Variants in TRAPPC9 observed in about 807,000 individuals in gnomAD.
TRAPPC9 encodes the protein trafficking protein particle complex subunit 9, also known as IKK2 binding protein.
In TRAPPC9, 83 loss-of-function variants were observed where a neutral mutation model predicts 124.0. The observed-to-expected ratio is 0.67, with a 90% CI of 0.56 to 0.80. The LOEUF is 0.80. Ranked by LOEUF, TRAPPC9 falls within the 30% of genes least tolerant of loss-of-function variation. The pLI is 0.00. For missense variants in TRAPPC9, 1,302 were observed against 1,508.3 expected (o/e 0.86, Z 2.27); for synonymous variants, 638 against 617.5 (o/e 1.03, Z -0.49).
At chr8:140,319,172 CTTTTTT>C (rs35283714) in intron 9 of TRAPPC9, among the ~76,000 whole-genome samples, 14 of 118,528 alleles carry the variant, frequency 1.2e-4, no homozygotes, top group East Asian at 5.5e-4. Context: ...TTATTTTGAA[CTTTTTT>C]TTTTTTTTTT....
At chr8:140,179,236 T>C (rs1378777536) in intron 17 of TRAPPC9, among the ~76,000 whole-genome samples, 3 of 152,150 alleles carry the variant, frequency 2.0e-5, no homozygotes, top group South Asian at 2.1e-4. Flanking sequence ...ATTGAGGCAA[T>C]GCTTTAGTTG....
At chr8:139,967,513 A>G (rs1835779830) in intron 19 of TRAPPC9, among the ~76,000 whole-genome samples, 1 of 152,228 alleles carries the variant, frequency 6.6e-6, no homozygotes, top group African/African-American at 2.4e-5. Flanking sequence ...TGATGAAGAC[A>G]GGATTCCTGC....
In TRAPPC9 at chr8:140,241,062, C is replaced by A. The variant is rs1007982073; in HGVS notation, c.2431+11715G>T. On this transcript the variant is annotated intron_variant, in intron 16 of 22. Transcript: ENST00000438773. The surrounding 1 kb of genome is among the most constrained non-coding windows in gnomAD (Gnocchi z 5.0). ...TTCAGGGCCACCCTGTCACCTGCATCCCTGCTGGTGGCATCCAGCTCATCT... is the reference window on the plus strand; with the variant it reads ...TTCAGGGCCACCCTGTCACCTGCATACCTGCTGGTGGCATCCAGCTCATCT... Among the ~76,000 whole-genome samples, 4 of 152,192 alleles carry A rather than the reference C, an allele frequency of 2.6e-5. No individual in the cohort carries two copies. The highest frequency in any genetic ancestry group is 9.7e-5 in the African/African-American group (4 of 41,450).
chr8:140,044,621 G>C lies in TRAPPC9; in HGVS notation c.2557-20542C>G, dbSNP rs1841472443. Among the ~76,000 whole-genome samples the C allele has an allele frequency of 2.0e-5, 3 of 152,270 alleles. No homozygotes were observed. The South Asian group carries it at 6.2e-4, about 32-fold the overall frequency. On this transcript the variant is annotated intron_variant, in intron 17 of 22. Coordinates refer to ENST00000438773, the MANE Select transcript of TRAPPC9 (RefSeq NM_001160372.4). Reference sequence around the variant, plus strand: ...ACAGAGCCTGGCAAGCTGCCCAGTGGAGGAGGTGGGTAAATGCTACGGACG... The same window carrying C: ...ACAGAGCCTGGCAAGCTGCCCAGTGCAGGAGGTGGGTAAATGCTACGGACG...
intron 21 of TRAPPC9, among the ~76,000 whole-genome samples, chr8:139,840,604 C>A (rs113523249): frequency 1.9e-3 from 290 of 152,348 alleles, no homozygotes; most frequent in African/African-American, 6.9e-3. Flanking sequence ...CCCTAGTGGG[C>A]CTTCAACACA....
At chr8:139,971,714 TATATATATACACACACACACACAC>T (rs1836081831) in intron 19 of TRAPPC9, among the ~76,000 whole-genome samples, 1 of 67,942 alleles carries the variant, frequency 1.5e-5, no homozygotes, top group Non-Finnish European at 3.3e-5. Context: ...AAAGTTCATA[TATATATATACACACACACACACAC>T]ATATATATAT....
intron 21 of TRAPPC9, among the ~76,000 whole-genome samples, chr8:139,815,097 A>C (rs2130766028): frequency 6.6e-6 from 1 of 152,338 alleles, no homozygotes; most frequent in Non-Finnish European, 1.5e-5. Context: ...TTGCCTGTAA[A>C]GTCCTGCAGT....
chr8:140,381,191 C>A (rs575799574), intron 7 of TRAPPC9, among the ~76,000 whole-genome samples: 1 of 128,092 alleles, frequency 7.8e-6, no homozygotes, highest in Non-Finnish European at 1.6e-5. Flanking sequence ...GGCAACAGAG[C>A]CAAACTCCAT....
At chr8:140,423,764 A>G (rs1453758767) in intron 5 of TRAPPC9, among the ~76,000 whole-genome samples, 1 of 152,116 alleles carries the variant, frequency 6.6e-6, no homozygotes, top group East Asian at 1.9e-4. Context: ...ATATATATAT[A>G]CACAGAATGG....
intron 21 of TRAPPC9, among the ~76,000 whole-genome samples, chr8:139,881,605 C>T (rs1829676346): frequency 6.6e-6 from 1 of 151,346 alleles, no homozygotes; most frequent in Non-Finnish European, 1.5e-5. Flanking sequence ...AAACCACCAC[C>T]CTAACAAAGG....
chr8:139,966,268 T>G (rs1216097058), intron 19 of TRAPPC9, among the ~76,000 whole-genome samples: 3 of 152,138 alleles, frequency 2.0e-5, no homozygotes, highest in Non-Finnish European at 4.4e-5. Flanking sequence ...AAGCCCCACT[T>G]TGCTGGGTTC....
rs190620219 is a variant in TRAPPC9 at position 139,983,227 on chromosome 8, C to T, written c.2810+5499G>A. Among the ~76,000 whole-genome samples, 692 of 152,278 alleles carry T rather than the reference C, an allele frequency of 4.5e-3. 1 individual carries two copies. The highest frequency in any genetic ancestry group is 8.4e-3 in the Non-Finnish European group (572 of 68,016). On this transcript the variant is annotated intron_variant, in intron 19 of 22. Transcript: ENST00000438773. The stretch of plus-strand genomic sequence containing the variant: ...CTCACCACCCACAGAATCTGCCCAG[C>T]GTCTTGATCTTGAACCTGCAGCCTC...
chr8:140,260,607 G>A (rs1454761002), intron 15 of TRAPPC9, among the ~76,000 whole-genome samples: 1 of 152,180 alleles, frequency 6.6e-6, no homozygotes, highest in Non-Finnish European at 1.5e-5. Flanking sequence ...TAGCATGGAA[G>A]GGCCACTCTG....
intron 17 of TRAPPC9, among the ~76,000 whole-genome samples, chr8:140,156,607 TG>T (rs1295371766): frequency 3.3e-5 from 5 of 152,238 alleles, no homozygotes; most frequent in Admixed American, 6.5e-5. Flanking sequence ...AATATTCGAA[TG>T]GAACTGCTGA....
chr8:140,201,692 T>C (rs181530111), intron 17 of TRAPPC9, among the ~76,000 whole-genome samples: 2 of 152,370 alleles, frequency 1.3e-5, no homozygotes, highest in Admixed American at 1.3e-4. Context: ...CTGAGTCATT[T>C]TGATGCTGGG....
chr8:139,940,819 C>G (rs1587289036), intron 19 of TRAPPC9, among the ~76,000 whole-genome samples: 1 of 152,312 alleles, frequency 6.6e-6, no homozygotes, highest in Middle Eastern at 3.4e-3. Flanking sequence ...GGCTGGAACC[C>G]TAGGGAGGGA....
chr8:139,947,936 A>AGAGAGC (rs1834369169), intron 19 of TRAPPC9, among the ~76,000 whole-genome samples: 1 of 138,630 alleles, frequency 7.2e-6, no homozygotes, highest in Non-Finnish European at 1.6e-5. Context: ...AGAGAGAGAG[A>AGAGAGC]GAGAGAGAGT....
At chr8:140,039,316 C>T (rs913464550) in intron 17 of TRAPPC9, among the ~76,000 whole-genome samples, 2 of 152,168 alleles carry the variant, frequency 1.3e-5, no homozygotes, top group Non-Finnish European at 2.9e-5. Flanking sequence ...ATAAGAAAGG[C>T]TTGATTCACA....
chr8:140,105,290 G>A (rs2060644218), intron 17 of TRAPPC9, among the ~76,000 whole-genome samples: 1 of 152,188 alleles, frequency 6.6e-6, no homozygotes, highest in Non-Finnish European at 1.5e-5. Flanking sequence ...CAAATTGATG[G>A]ATGAATTGGT....
Sources: gnomAD v4.1 joint callset for allele counts (sites outside exome capture counted in the v4.1 genomes callset) on GRCh38, gnomAD v4.1.1 for gene constraint, Gnocchi (gnomAD v3.1) non-coding constraint, MANE v1.5 for transcripts, NCBI Gene and HGNC (gene_info 2026-07-23, HGNC 2026-07-21) for gene names.